Variants in PARD3 observed in about 807,000 individuals in gnomAD.
The protein encoded by PARD3 is par-3 family cell polarity regulator.
PARD3 carries 75 observed loss-of-function variants against 155.4 expected under a neutral mutation model. That is an observed-to-expected ratio of 0.48 (90% CI 0.40 to 0.58). The LOEUF is 0.58. PARD3 is among the 20% of genes least tolerant of loss of function. PARD3 has a pLI of 0.00. For synonymous variants in PARD3, 576 were observed against 610.5 expected, an observed-to-expected ratio of 0.94 and a Z score of 0.83; for missense variants, 1,642 against 1,721.7, an observed-to-expected ratio of 0.95 and a Z score of 0.82.
intron 1 of PARD3, among the ~76,000 whole-genome samples, chr10:34,810,174 C>T (rs888743712): frequency 6.6e-6 from 1 of 152,204 alleles, no homozygotes; most frequent in African/African-American, 2.4e-5. Flanking sequence ...TGAGCACCCA[C>T]ATGACGCCAC....
At chr10:34,575,830 A>C (rs2086840383) in intron 2 of PARD3, among the ~76,000 whole-genome samples, 2 of 152,118 alleles carry the variant, frequency 1.3e-5, no homozygotes, top group South Asian at 4.1e-4. Context: ...TGGAAGGTAG[A>C]GGTTGCAGTG....
intron 22 of PARD3, among the ~76,000 whole-genome samples, chr10:34,137,948 C>T (rs1947989923): frequency 6.6e-6 from 1 of 152,206 alleles, no homozygotes; most frequent in East Asian, 1.9e-4. Context: ...AATACTACCA[C>T]CCCATCACTT....
intron 2 of PARD3, among the ~76,000 whole-genome samples, chr10:34,563,449 C>T (rs2085666213): frequency 6.6e-6 from 1 of 152,120 alleles, no homozygotes; most frequent in Non-Finnish European, 1.5e-5. Context: ...TCACTGCAAC[C>T]TCCACCTCCC....
At chr10:34,805,773 G>C (rs900415905) in intron 1 of PARD3, among the ~76,000 whole-genome samples, 1 of 151,790 alleles carries the variant, frequency 6.6e-6, no homozygotes, top group Non-Finnish European at 1.5e-5. Flanking sequence ...TCAGGAGATC[G>C]AGACCATCCT....
At chr10:34,668,467 G>GT (rs1564483872) in intron 2 of PARD3, among the ~76,000 whole-genome samples, 3 of 152,166 alleles carry the variant, frequency 2.0e-5, no homozygotes, top group African/African-American at 7.2e-5. Context: ...TCACATCCAT[G>GT]TGAGTAGCTT....
At chr10:34,573,977 T>C (rs977895988) in intron 2 of PARD3, among the ~76,000 whole-genome samples, 4 of 152,196 alleles carry the variant, frequency 2.6e-5, no homozygotes, top group African/African-American at 4.8e-5. Flanking sequence ...ATTGATATTT[T>C]TATTATAAGT....
chr10:34,451,923 C>A (rs542675960), intron 4 of PARD3, among the ~76,000 whole-genome samples: 2 of 151,980 alleles, frequency 1.3e-5, no homozygotes, highest in South Asian at 4.2e-4. Flanking sequence ...AAAGGAAATA[C>A]CGTTTCATAT....
chr10:34,765,908 C>T lies in PARD3; in HGVS notation c.120+48968G>A, dbSNP rs567345298. 1.1e-4 allele frequency among the ~76,000 whole-genome samples: 17 copies of T among 152,270 alleles called. No individual in the cohort carries two copies. The South Asian group carries it at 2.9e-3, about 26-fold the overall frequency. ...TAAGTACTATTATTACACACACACCCCATTCCACAGATGAGGAAACTGAGG... is the reference window on the plus strand; with the variant it reads ...TAAGTACTATTATTACACACACACCTCATTCCACAGATGAGGAAACTGAGG... On this transcript the variant is annotated intron_variant, in intron 1 of 24. Transcript: ENST00000374788.
chr10:34,779,372 G>A (rs895544392), intron 1 of PARD3, among the ~76,000 whole-genome samples: 1 of 151,938 alleles, frequency 6.6e-6, no homozygotes, highest in African/African-American at 2.4e-5. Flanking sequence ...CACTTTGGGA[G>A]GCCGAGGCCC....
At chr10:34,245,576 G>GAAACAAAACA (rs5784403) in intron 22 of PARD3, among the ~76,000 whole-genome samples, 7,600 of 148,200 alleles carry the variant, frequency 0.051, 291 homozygotes, top group African/African-American at 0.099. Flanking sequence ...ATACATCCCT[G>GAAACAAAACA]AAACAAAACA....
intron 9 of PARD3, among the ~76,000 whole-genome samples, chr10:34,379,994 T>C (rs1841662127): frequency 1.3e-5 from 2 of 152,118 alleles, no homozygotes; most frequent in Non-Finnish European, 2.9e-5. Flanking sequence ...CAAAGCACAT[T>C]AGCTCACTTT....
At chr10:34,349,619 A>AAAG (rs1837820731) in intron 14 of PARD3, among the ~76,000 whole-genome samples, 1 of 149,436 alleles carries the variant, frequency 6.7e-6, no homozygotes, top group African/African-American at 2.5e-5. Context: ...AGCTAATAAA[A>AAAG]CGAATACTCT....
At chr10:34,114,739 C>A (rs1216579286) in intron 24 of PARD3, among the ~76,000 whole-genome samples, 1 of 152,168 alleles carries the variant, frequency 6.6e-6, no homozygotes, top group African/African-American at 2.4e-5. Context: ...AGAAAGGAAC[C>A]CTTACTAAGC....
chr10:34,664,122 C>T (rs2093393715), intron 2 of PARD3: 1 of 152,242 alleles, frequency 6.6e-6, no homozygotes, highest in Non-Finnish European at 1.5e-5. Context: ...CCGCCGAGAC[C>T]AAAGAGACCA....
Position 34,176,848 on chromosome 10 carries a change from G to A in PARD3, c.3420-45265C>T, listed in dbSNP as rs529387025. Among the ~76,000 whole-genome samples the A allele has an allele frequency of 4.8e-4, 73 of 152,248 alleles. 1 individual carries two copies. Among genetic ancestry groups the A allele is most frequent in the African/African-American group, 1.7e-3 (72 of 41,548 alleles). On this transcript the variant is annotated intron_variant, in intron 22 of 24. Coordinates refer to ENST00000374788, the MANE Select transcript of PARD3 (RefSeq NM_001184785.2). Reference sequence around the variant, plus strand: ...AATGACAAAGCCACTGAACTCCCAGGGCTTTCCTTGGTTACAAAATTGTCA... The same window carrying A: ...AATGACAAAGCCACTGAACTCCCAGAGCTTTCCTTGGTTACAAAATTGTCA...
chr10:34,741,781 G>A (rs916919391), intron 1 of PARD3, among the ~76,000 whole-genome samples: 1 of 152,140 alleles, frequency 6.6e-6, no homozygotes, highest in African/African-American at 2.4e-5. Flanking sequence ...ATCTCTTATA[G>A]TCTAACAGAA....
chr10:34,432,863 A>C (rs1184376140), intron 5 of PARD3, among the ~76,000 whole-genome samples: 6 of 152,216 alleles, frequency 3.9e-5, no homozygotes, highest in Non-Finnish European at 7.3e-5. Flanking sequence ...AAACCCATCC[A>C]GAGAAATGAC....
At chr10:34,570,161 T>C (rs2086274725) in intron 2 of PARD3, among the ~76,000 whole-genome samples, 1 of 152,196 alleles carries the variant, frequency 6.6e-6, no homozygotes, top group African/African-American at 2.4e-5. Context: ...CTCAAATACA[T>C]ATATTTCAAT....
intron 2 of PARD3, among the ~76,000 whole-genome samples, chr10:34,684,458 A>G (rs1308210373): frequency 6.6e-6 from 1 of 152,144 alleles, no homozygotes; most frequent in Admixed American, 6.6e-5. Context: ...AACTCACAGA[A>G]GACAACACTG....
Sources: allele counts gnomAD v4.1 joint callset (sites outside exome capture counted in the v4.1 genomes callset), GRCh38; gene constraint gnomAD v4.1.1; transcripts MANE v1.5; gene names NCBI Gene and HGNC (gene_info 2026-07-23, HGNC 2026-07-21).